Variants in EYS observed in about 807,000 individuals in gnomAD.
The protein encoded by EYS is EGF-like photoreceptor maintenance factor.
A neutral mutation model predicts 282.1 loss-of-function variants in EYS; 250 were observed. The ratio of observed to expected loss-of-function variants is 0.89; its 90% CI spans 0.80 to 0.98. The LOEUF (loss-of-function observed/expected upper bound fraction) is 0.98, where lower values mean the gene tolerates loss of function less well. EYS is among the 50% of genes least tolerant of loss of function. EYS has a pLI of 0.00. For missense variants in EYS, 4,016 were observed against 3,709.0 expected (o/e 1.08, Z -2.15); for synonymous variants, 1,355 against 1,282.9 (o/e 1.06, Z -1.20).
chr6:65,297,268 A>G (rs1768693466), intron 11 of EYS, among the ~76,000 whole-genome samples: 1 of 151,922 alleles, frequency 6.6e-6, no homozygotes, highest in Non-Finnish European at 1.5e-5. Context: ...GGCACTTAAC[A>G]TTAGCATATA....
intron 22 of EYS, among the ~76,000 whole-genome samples, chr6:64,652,197 A>C (rs181037377): frequency 6.6e-6 from 1 of 152,222 alleles, no homozygotes; most frequent in Admixed American, 6.5e-5. Context: ...TCTTAAGTAT[A>C]AATGAAGCCT....
At chr6:65,411,740 T>C (rs542091672) in intron 5 of EYS, among the ~76,000 whole-genome samples, 1 of 152,182 alleles carries the variant, frequency 6.6e-6, no homozygotes, top group East Asian at 1.9e-4. Flanking sequence ...ATGTAACTTT[T>C]TGGAATTGTC....
chr6:64,286,224 A>G (rs373775748), intron 30 of EYS, among the ~76,000 whole-genome samples: 1 of 152,186 alleles, frequency 6.6e-6, no homozygotes, highest in Non-Finnish European at 1.5e-5. Flanking sequence ...GATGACCAAG[A>G]AGAAACTTAC....
intron 41 of EYS, among the ~76,000 whole-genome samples, chr6:63,734,113 A>T (rs1401775086): frequency 1.3e-5 from 2 of 152,136 alleles, no homozygotes; most frequent in African/African-American, 4.8e-5. Context: ...GACACTGGGA[A>T]CTACAAAATC....
At chr6:64,671,036 G>T (rs1037008660) in intron 22 of EYS, among the ~76,000 whole-genome samples, 8 of 152,032 alleles carry the variant, frequency 5.3e-5, no homozygotes, top group Admixed American at 4.6e-4. Context: ...CAGGAAGAAA[G>T]TACTTTATTT....
intron 1 of EYS, among the ~76,000 whole-genome samples, chr6:65,645,869 C>A (rs921602167): frequency 6.6e-6 from 1 of 151,886 alleles, no homozygotes; most frequent in Non-Finnish European, 1.5e-5. Flanking sequence ...CACAGAAATA[C>A]AAAAGATTAT....
intron 5 of EYS, among the ~76,000 whole-genome samples, chr6:65,464,204 G>T (rs536005019): frequency 2.3e-4 from 35 of 152,136 alleles, no homozygotes; most frequent in African/African-American, 7.9e-4. Flanking sequence ...TTGTTATTTT[G>T]TACATACAAC....
At chr6:64,234,882 T>C (rs1364296059) in intron 30 of EYS, among the ~76,000 whole-genome samples, 1 of 71,070 alleles carries the variant, frequency 1.4e-5, no homozygotes, top group Non-Finnish European at 3.0e-5. Flanking sequence ...ACTTTATTCT[T>C]TTTTTTTTTC....
intron 33 of EYS, among the ~76,000 whole-genome samples, chr6:64,034,347 G>T (rs985235022): frequency 6.6e-6 from 1 of 152,100 alleles, no homozygotes; most frequent in Non-Finnish European, 1.5e-5. Context: ...ACATATATTA[G>T]CTCATAACCT....
At chr6:65,250,609 T>G (rs1767295379) in intron 12 of EYS, among the ~76,000 whole-genome samples, 1 of 151,940 alleles carries the variant, frequency 6.6e-6, no homozygotes, top group South Asian at 2.1e-4. Context: ...TATCCCAACT[T>G]ACTTCCAACC....
chr6:64,912,012 C>A (rs1278345751), intron 16 of EYS, among the ~76,000 whole-genome samples: 1 of 152,022 alleles, frequency 6.6e-6, no homozygotes, highest in Non-Finnish European at 1.5e-5. Context: ...TCTCTTGAGA[C>A]AAAGTAGCCA....
In EYS at chr6:65,506,460, C is replaced by CTTTTTTTTTTTTTTT. The variant is rs58326040; in HGVS notation, c.-332-10482_-332-10468dup. On this transcript the variant is annotated intron_variant, in intron 2 of 42. Transcript: ENST00000503581. ...GGTTTACAATATCCTTCCTTCCTTT[C>CTTTTTTTTTTTTTTT]TTTTTTTTTTTTTTTTTTTTTTTTT... Among the ~76,000 whole-genome samples the CTTTTTTTTTTTTTTT allele has an allele frequency of 7.1e-4, 46 of 64,892 alleles. 1 individual carries two copies. Among genetic ancestry groups the CTTTTTTTTTTTTTTT allele is most frequent in the Admixed American group, 9.5e-4 (4 of 4,204 alleles). The allele number at this position is 64,892 out of a possible 152,430, so 42.6% of individuals were successfully genotyped here. A position where few individuals can be genotyped will look rare whatever the true frequency, so the allele number is the denominator to read the frequency against.
intron 31 of EYS, among the ~76,000 whole-genome samples, chr6:64,118,759 G>T (rs111646940): frequency 0.049 from 7,492 of 152,152 alleles, 560 homozygotes; most frequent in African/African-American, 0.16. Context: ...TCTGTAGAAG[G>T]AGAGAAAATA....
intron 2 of EYS, among the ~76,000 whole-genome samples, chr6:65,611,085 A>G (rs1382207825): frequency 5.3e-5 from 8 of 151,994 alleles, no homozygotes; most frequent in Non-Finnish European, 4.4e-5. Flanking sequence ...AATTTAATAA[A>G]TTAATGCCCA....
rs150701815 is a variant in EYS at position 64,850,778 on chromosome 6, G to C, written c.2993-27956C>G. 1.7e-3 allele frequency among the ~76,000 whole-genome samples: 259 copies of C among 152,122 alleles called. 1 individual carries two copies. Among genetic ancestry groups the C allele is most frequent in the African/African-American group, 6.0e-3 (249 of 41,536 alleles). On this transcript the variant is annotated intron_variant, in intron 19 of 42. Coordinates refer to ENST00000503581, the MANE Select transcript of EYS (RefSeq NM_001142800.2). Reference sequence around the variant, plus strand: ...TTACTATGCAGATGAAGGTAAATTAGTTCAAAAGTAATTAAGAAGACCGAT... The same window carrying C: ...TTACTATGCAGATGAAGGTAAATTACTTCAAAAGTAATTAAGAAGACCGAT...
At chr6:64,763,780 G>A (rs60268597) in intron 22 of EYS, among the ~76,000 whole-genome samples, 15,145 of 152,172 alleles carry the variant, frequency 0.1, 988 homozygotes, top group East Asian at 0.21. Context: ...AAGATACAGT[G>A]GGGGTACACA....
chr6:64,482,863 C>A (rs758100600), intron 26 of EYS, among the ~76,000 whole-genome samples: 1 of 151,640 alleles, frequency 6.6e-6, no homozygotes, highest in African/African-American at 2.4e-5. Context: ...CCTCAATGAA[C>A]TTCTTGCTAC....
intron 35 of EYS, among the ~76,000 whole-genome samples, chr6:63,911,608 T>C (rs567160868): frequency 6.6e-6 from 1 of 152,380 alleles, no homozygotes; most frequent in South Asian, 2.1e-4. Flanking sequence ...ATCAAAACTT[T>C]GGACAGTATG....
rs149838608 is a variant in EYS, at chr6:64,641,739, G to A, written c.3444-15494C>T. On this transcript the variant is annotated intron_variant, in intron 22 of 42. Coordinates refer to ENST00000503581, the MANE Select transcript of EYS (RefSeq NM_001142800.2). ...CTGGGCTGCACAGCAGGAGGTGAGC[G>A]GTGGGTAAGGGAGCGTTACCTCCTG... 4.7e-3 allele frequency among the ~76,000 whole-genome samples: 723 copies of A among 152,218 alleles called. 5 individuals are homozygous for A. Among genetic ancestry groups the A allele is most frequent in the African/African-American group, 0.016 (670 of 41,530 alleles).
Sources: allele counts gnomAD v4.1 joint callset (sites outside exome capture counted in the v4.1 genomes callset), GRCh38; gene constraint gnomAD v4.1.1; transcripts MANE v1.5; gene names NCBI Gene and HGNC (gene_info 2026-07-23, HGNC 2026-07-21).